Variants in LARP4B observed in about 807,000 individuals in gnomAD.
LARP4B encodes the protein La ribonucleoprotein 4B.
LARP4B carries 12 observed loss-of-function variants against 89.8 expected under a neutral mutation model. The ratio of observed to expected loss-of-function variants is 0.13; its 90% CI spans 0.09 to 0.22. The LOEUF (loss-of-function observed/expected upper bound fraction) is 0.22. LARP4B is among the 10% of genes least tolerant of loss of function. LARP4B has a pLI of 1.00. For missense variants in LARP4B, 757 were observed against 947.7 expected (o/e 0.80, Z 2.64); for synonymous variants, 367 against 363.3 (o/e 1.01, Z -0.12).
At position 864,166 on chromosome 10, in the gene LARP4B, T is replaced by TGCAGCACTCACACCGTCA. The variant is rs749294671; in HGVS notation, c.228_245dup (p.Asp77_Ala82dup). 1.4e-5 allele frequency: 22 copies of TGCAGCACTCACACCGTCA among 1,614,198 alleles called. No homozygotes were observed. The highest frequency in any genetic ancestry group is 7.6e-6 in the Non-Finnish European group (9 of 1,180,038). ...CGTGGTGGCCAGCCACCTCCTCCCA[T>TGCAGCACTCACACCGTCA]GCAGCACTCACACCGTCAGCAGCAC... is the stretch of plus-strand genomic sequence containing the variant. On this transcript the variant is annotated inframe_insertion, in exon 4 of 18. Coordinates refer to ENST00000316157, the MANE Select transcript of LARP4B (RefSeq NM_015155.3).
intron 6 of LARP4B, among the ~76,000 whole-genome samples, chr10:843,281 A>C (rs1833614587): frequency 6.6e-6 from 1 of 152,256 alleles, no homozygotes; most frequent in Non-Finnish European, 1.5e-5. Flanking sequence ...TGCAAAAGTA[A>C]AAGTATACTG....
chr10:962,352 A>C, the LARP4B span, among the ~76,000 whole-genome samples: 21 of 152,032 alleles, frequency 1.4e-4, no homozygotes, highest in African/African-American at 3.6e-4. Context: ...CGGGCCCAAC[A>C]ATATGACTTC....
Position 827,091 on chromosome 10 carries a change from T to C in LARP4B, c.1126-1221A>G, listed in dbSNP as rs528887128. On this transcript the variant is annotated intron_variant, in intron 11 of 17. Coordinates refer to ENST00000316157, the MANE Select transcript of LARP4B (RefSeq NM_015155.3). ...GAGATCAAGACCATCCTGGCTAACATGGTGAAACCCCGTCTCTACTAAAAA... is the reference window on the plus strand; with the variant it reads ...GAGATCAAGACCATCCTGGCTAACACGGTGAAACCCCGTCTCTACTAAAAA... Among the ~76,000 whole-genome samples the C allele has an allele frequency of 5.3e-3, 806 of 152,190 alleles. 6 individuals are homozygous for C. Among genetic ancestry groups the C allele is most frequent in the African/African-American group, 0.014 (595 of 41,538 alleles).
intron 1 of LARP4B, among the ~76,000 whole-genome samples, chr10:913,908 C>CA (rs1403561242): frequency 3.6e-4 from 52 of 145,132 alleles, no homozygotes; most frequent in Admixed American, 2.2e-3. Context: ...GGCTGGGTCT[C>CA]AAAAAAAAAT....
chr10:967,944 C>T, the LARP4B span, among the ~76,000 whole-genome samples: 3 of 152,160 alleles, frequency 2.0e-5, no homozygotes, highest in African/African-American at 4.8e-5. Flanking sequence ...TCAGGCGATC[C>T]GCCCGCCTCA....
chr10:885,103 A>G (rs1013974434), intron 2 of LARP4B, among the ~76,000 whole-genome samples: 3 of 152,216 alleles, frequency 2.0e-5, no homozygotes, highest in African/African-American at 7.2e-5. Flanking sequence ...ACTAGAAAGA[A>G]TTCTCCTTGC....
chr10:876,791 G>A (rs755983936), intron 3 of LARP4B, among the ~76,000 whole-genome samples: 1 of 152,168 alleles, frequency 6.6e-6, no homozygotes, highest in Non-Finnish European at 1.5e-5. Context: ...GCCATTGCCC[G>A]AGTACAGGCT....
intron 5 of LARP4B, among the ~76,000 whole-genome samples, chr10:858,918 G>A (rs529096506): frequency 1.3e-5 from 2 of 152,310 alleles, no homozygotes; most frequent in African/African-American, 4.8e-5. Flanking sequence ...TTGGCAGGCC[G>A]AGGCAGACAG....
At chr10:821,354 C>G (rs971847814) in intron 13 of LARP4B, among the ~76,000 whole-genome samples, 4 of 152,212 alleles carry the variant, frequency 2.6e-5, no homozygotes, top group Admixed American at 2.6e-4. Flanking sequence ...CCACGAAAAC[C>G]ACACAAGGAC....
At chr10:965,666 C>T in the LARP4B span, among the ~76,000 whole-genome samples, 1,487 of 151,758 alleles carry the variant, frequency 9.8e-3, 43 homozygotes, top group East Asian at 0.1. Context: ...GTTGTTTATG[C>T]GCCAAGTCGT....
At chr10:823,391 G>A (rs772374454) in intron 13 of LARP4B, among the ~76,000 whole-genome samples, 7 of 152,198 alleles carry the variant, frequency 4.6e-5, no homozygotes, top group African/African-American at 1.4e-4. Context: ...TGTTACAGTT[G>A]CATTTGGAAG....
intron 3 of LARP4B, among the ~76,000 whole-genome samples, chr10:880,380 A>C (rs1835620346): frequency 6.6e-6 from 1 of 152,100 alleles, no homozygotes; most frequent in Non-Finnish European, 1.5e-5. Flanking sequence ...ACCATCTGTA[A>C]AGGAGTTTAA....
At chr10:820,381 G>C (rs1455329904) in intron 14 of LARP4B, 1 of 167,530 alleles carries the variant, frequency 6.0e-6, no homozygotes, top group Non-Finnish European at 1.3e-5. Context: ...CGAAAGTTTT[G>C]AAGGAAAAAC....
chr10:827,318 A>G (rs1379419814), intron 11 of LARP4B, among the ~76,000 whole-genome samples: 1 of 152,076 alleles, frequency 6.6e-6, no homozygotes, highest in Non-Finnish European at 1.5e-5. Context: ...CCATGAATGC[A>G]GACCTGGATC....
At chr10:975,407 T>C in the LARP4B span, among the ~76,000 whole-genome samples, 5 of 152,218 alleles carry the variant, frequency 3.3e-5, no homozygotes, top group African/African-American at 9.6e-5. Context: ...TTGAATTCAG[T>C]TGCGATTCAC....
At chr10:941,995 A>G in the LARP4B span, among the ~76,000 whole-genome samples, 1 of 152,212 alleles carries the variant, frequency 6.6e-6, no homozygotes, top group African/African-American at 2.4e-5. Context: ...TACCTAGAGA[A>G]GTATACATTG....
the LARP4B span, among the ~76,000 whole-genome samples, chr10:950,232 GT>G: frequency 6.6e-6 from 1 of 152,140 alleles, no homozygotes; most frequent in Non-Finnish European, 1.5e-5. Context: ...CGGAGCAAAA[GT>G]TTTTATTTTT....
intron 1 of LARP4B, among the ~76,000 whole-genome samples, chr10:907,315 T>C (rs1424016228): frequency 6.6e-6 from 1 of 152,090 alleles, no homozygotes; most frequent in East Asian, 1.9e-4. Context: ...GCCCAGAAAA[T>C]GGGATGAGTC....
At chr10:830,784 T>C (rs763422505) in intron 9 of LARP4B, 83 bp downstream of exon 9, 68 of 675,594 alleles carry the variant, frequency 1.0e-4, no homozygotes, top group Non-Finnish European at 2.9e-5. Context: ...GTAATCTCAA[T>C]GCCCAAGTTT....
Sources: gnomAD v4.1 joint callset for allele counts (sites outside exome capture counted in the v4.1 genomes callset) on GRCh38, gnomAD v4.1.1 for gene constraint, MANE v1.5 for transcripts, NCBI Gene and HGNC (gene_info 2026-07-23, HGNC 2026-07-21) for gene names.